CHODL: variants seen among roughly 807,000 people sequenced by gnomAD.
The protein encoded by CHODL is chondrolectin.
Under a neutral mutation model 34.5 loss-of-function variants are expected in CHODL, and 29 were observed. The observed-to-expected ratio is 0.84, with a 90% CI of 0.63 to 1.15. CHODL has a LOEUF of 1.15. Among genes scored for constraint, CHODL ranks in the 50% most tolerant of loss-of-function variants. The probability of loss-of-function intolerance (pLI) is 0.00; values close to 1 mark genes in which losing one functional copy is unlikely to be tolerated. For missense variants in CHODL, 332 were observed against 332.5 expected (o/e 1.00, Z 0.01); for synonymous variants, 125 against 116.1 (o/e 1.08, Z -0.49).
At chr21:17,987,840 CTAT>C (rs1194342217) in intron 1 of CHODL, among the ~76,000 whole-genome samples, 2 of 152,092 alleles carry the variant, frequency 1.3e-5, no homozygotes, top group Non-Finnish European at 2.9e-5. Flanking sequence ...CCTGCTATGT[CTAT>C]TATGTATTTA....
chr21:18,046,483 G>A (rs1205870909), intron 2 of CHODL, among the ~76,000 whole-genome samples: 7 of 151,980 alleles, frequency 4.6e-5, no homozygotes, highest in Admixed American at 2.6e-4. Context: ...AGGACCTGGC[G>A]AGATTGGATG....
At chr21:18,101,282 G>A (rs1356744260) in intron 2 of CHODL, among the ~76,000 whole-genome samples, 1 of 152,172 alleles carries the variant, frequency 6.6e-6, no homozygotes, top group Non-Finnish European at 1.5e-5. Context: ...CCCTAGCCAT[G>A]TGGAACTGTA....
chr21:18,248,784 A>T (rs1458992511), intron 1 of CHODL, among the ~76,000 whole-genome samples: 1 of 122,636 alleles, frequency 8.2e-6, no homozygotes, highest in Non-Finnish European at 1.6e-5. Flanking sequence ...ATATGTGTGT[A>T]TATATGTATA....
chr21:17,984,931 T>A (rs184815478), intron 1 of CHODL, among the ~76,000 whole-genome samples: 1 of 152,282 alleles, frequency 6.6e-6, no homozygotes, highest in Admixed American at 6.5e-5. Flanking sequence ...TCCCTTCTAT[T>A]GATAAATTGT....
At chr21:17,964,268 T>C (rs1468298887) in intron 1 of CHODL, among the ~76,000 whole-genome samples, 2 of 152,226 alleles carry the variant, frequency 1.3e-5, no homozygotes, top group Non-Finnish European at 2.9e-5. Context: ...ATAAAACTTA[T>C]GTAAGCAGAG....
chr21:18,118,204 G>A (rs879357598), intron 2 of CHODL, among the ~76,000 whole-genome samples: 10 of 152,096 alleles, frequency 6.6e-5, no homozygotes, highest in South Asian at 6.2e-4. Context: ...GTCTTAATTC[G>A]CTCAGTAAAT....
At chr21:18,155,033 A>T (rs1443127138) in intron 2 of CHODL, among the ~76,000 whole-genome samples, 1 of 152,182 alleles carries the variant, frequency 6.6e-6, no homozygotes, top group Non-Finnish European at 1.5e-5. Flanking sequence ...TGCCACAGGG[A>T]ATTAGGGAAT....
chr21:18,190,095 T>A lies in CHODL; in HGVS notation c.-44-66414T>A, dbSNP rs150848936. Among the ~76,000 whole-genome samples, 337 of 152,374 alleles carry A rather than the reference T, an allele frequency of 2.2e-3. 1 individual carries two copies. Among genetic ancestry groups the A allele is most frequent in the African/African-American group, 7.9e-3 (328 of 41,592 alleles). On this transcript the variant is annotated intron_variant, in intron 2 of 6. Coordinates refer to the CHODL transcript ENST00000400127. The stretch of plus-strand genomic sequence containing the variant: ...TTATTTATGTCATGAAATTTTCATA[T>A]AATTGGCATTTTTCTCATTTATGTA...
chr21:18,161,919 A>C (rs1299129310), intron 2 of CHODL, among the ~76,000 whole-genome samples: 1 of 152,214 alleles, frequency 6.6e-6, no homozygotes, highest in African/African-American at 2.4e-5. Context: ...ATAACCTACA[A>C]ACTGAAAAGT....
intron 2 of CHODL, among the ~76,000 whole-genome samples, chr21:18,212,054 A>C (rs942600748): frequency 6.6e-6 from 1 of 152,204 alleles, no homozygotes; most frequent in Non-Finnish European, 1.5e-5. Context: ...TAAAGCAGTA[A>C]TTAATTTTGC....
intron 2 of CHODL, among the ~76,000 whole-genome samples, chr21:18,058,180 A>G (rs1045527603): frequency 6.6e-6 from 1 of 152,160 alleles, no homozygotes; most frequent in African/African-American, 2.4e-5. Context: ...TAGAATGGCT[A>G]TTAAAAAAAG....
intron 2 of CHODL, among the ~76,000 whole-genome samples, chr21:18,065,886 GAGA>G (rs1180142242): frequency 2.6e-5 from 4 of 152,176 alleles, no homozygotes; most frequent in Admixed American, 6.6e-5. Context: ...TGGCACATTT[GAGA>G]AGGAGGAAGC....
chr21:18,109,075 T>C (rs2065314636), intron 2 of CHODL, among the ~76,000 whole-genome samples: 1 of 152,170 alleles, frequency 6.6e-6, no homozygotes, highest in African/African-American at 2.4e-5. Flanking sequence ...ATTTTCAGCA[T>C]ACAGCTTTTG....
At chr21:17,942,552 A>G (rs1387071011) in intron 1 of CHODL, among the ~76,000 whole-genome samples, 1 of 152,186 alleles carries the variant, frequency 6.6e-6, no homozygotes, top group Admixed American at 6.5e-5. Context: ...TGTCTTTATC[A>G]GGAGTGTGAA....
At chr21:18,218,144 G>A (rs116346493) in intron 2 of CHODL, among the ~76,000 whole-genome samples, 4,086 of 152,280 alleles carry the variant, frequency 0.027, 179 homozygotes, top group African/African-American at 0.093. Context: ...ACCAGGCAGC[G>A]CCCCAGTGGG....
At chr21:18,174,884 G>A (rs989374206) in intron 2 of CHODL, among the ~76,000 whole-genome samples, 1 of 152,184 alleles carries the variant, frequency 6.6e-6, no homozygotes, top group Non-Finnish European at 1.5e-5. Flanking sequence ...AATTCTTAGA[G>A]TAAATCATTG....
At chr21:18,070,040 A>T (rs1368356104) in intron 2 of CHODL, among the ~76,000 whole-genome samples, 1 of 34,612 alleles carries the variant, frequency 2.9e-5, no homozygotes, top group African/African-American at 1.1e-4. Flanking sequence ...CCCCCCACCC[A>T]TTTCCTTTGC....
chr21:17,950,932 C>T (rs2063451668), intron 1 of CHODL, among the ~76,000 whole-genome samples: 1 of 152,048 alleles, frequency 6.6e-6, no homozygotes, highest in South Asian at 2.1e-4. Context: ...TATGGTCTTG[C>T]AACCTCACAG....
chr21:18,112,446 A>C (rs2065362121), intron 2 of CHODL, among the ~76,000 whole-genome samples: 1 of 152,128 alleles, frequency 6.6e-6, no homozygotes, highest in African/African-American at 2.4e-5. Context: ...CAAAAGACCC[A>C]GAATAGCCAA....
Sources: allele counts gnomAD v4.1 joint callset (sites outside exome capture counted in the v4.1 genomes callset), GRCh38; gene constraint gnomAD v4.1.1; transcripts MANE v1.5; gene names NCBI Gene and HGNC (gene_info 2026-07-23, HGNC 2026-07-21).